The following THSD7B variants were observed in gnomAD, a reference collection of about 807,000 sequenced individuals.
THSD7B encodes the protein thrombospondin type-1 domain-containing protein 7B.
Under a neutral mutation model 213.6 loss-of-function variants are expected in THSD7B, and 138 were observed. The ratio of observed to expected loss-of-function variants is 0.65; its 90% CI spans 0.56 to 0.74. The LOEUF (loss-of-function observed/expected upper bound fraction) is 0.74, where lower values mean the gene tolerates loss of function less well. Ranked by LOEUF, THSD7B falls within the 30% of genes least tolerant of loss-of-function variation. The pLI is 0.00. For synonymous variants in THSD7B, 742 were observed against 687.0 expected (o/e 1.08, Z -1.25); for missense variants, 1,931 against 1,991.5 (o/e 0.97, Z 0.58).
chr2:137,427,025 G>A (rs1687074817), intron 14 of THSD7B, among the ~76,000 whole-genome samples: 2 of 151,868 alleles, frequency 1.3e-5, no homozygotes, highest in African/African-American at 2.4e-5. Context: ...CATACAAACA[G>A]CCAACAAGGA....
At chr2:137,462,221 C>G (rs1261840473) in intron 15 of THSD7B, among the ~76,000 whole-genome samples, 2 of 151,938 alleles carry the variant, frequency 1.3e-5, no homozygotes, top group East Asian at 3.9e-4. Flanking sequence ...ACTCTGTTTA[C>G]CAGTTAGTCA....
intron 1 of THSD7B, among the ~76,000 whole-genome samples, chr2:136,817,708 C>A (rs956157533): frequency 6.6e-6 from 1 of 151,802 alleles, no homozygotes; most frequent in African/African-American, 2.4e-5. Context: ...AAGAAAAAAA[C>A]AAACAACCCC....
At chr2:136,954,402 G>A (rs978756184) in intron 2 of THSD7B, among the ~76,000 whole-genome samples, 1 of 152,256 alleles carries the variant, frequency 6.6e-6, no homozygotes, top group African/African-American at 2.4e-5. Context: ...GTATTGACCA[G>A]TTAGTGCCTC....
chr2:137,070,158 G>C (rs185930691), intron 3 of THSD7B, among the ~76,000 whole-genome samples: 176 of 151,878 alleles, frequency 1.2e-3, no homozygotes, highest in African/African-American at 4.0e-3. Context: ...CTTTGTGCTT[G>C]TTTGTATCTT....
chr2:136,947,432 A>G (rs1684962225), intron 2 of THSD7B, among the ~76,000 whole-genome samples: 1 of 152,224 alleles, frequency 6.6e-6, no homozygotes, highest in Non-Finnish European at 1.5e-5. Flanking sequence ...TATCTATAAT[A>G]ATAACATAAA....
chr2:137,439,027 G>A (rs756550239), intron 14 of THSD7B, among the ~76,000 whole-genome samples: 7 of 152,006 alleles, frequency 4.6e-5, no homozygotes, highest in African/African-American at 7.2e-5. Context: ...CCAAGCAAGG[G>A]CCACCAGGAG....
intron 2 of THSD7B, among the ~76,000 whole-genome samples, chr2:137,026,912 A>G (rs1686566325): frequency 6.6e-6 from 1 of 152,290 alleles, no homozygotes; most frequent in African/African-American, 2.4e-5. Flanking sequence ...TTTTCATAAT[A>G]CATTGGAAAA....
chr2:136,980,016 AT>A (rs1048179096), intron 2 of THSD7B, among the ~76,000 whole-genome samples: 13 of 151,004 alleles, frequency 8.6e-5, no homozygotes, highest in Admixed American at 8.6e-4. Context: ...AAACAGACTC[AT>A]TTTCCTTAGG....
chr2:137,046,653 C>T (rs1686975352), intron 2 of THSD7B, among the ~76,000 whole-genome samples: 1 of 148,706 alleles, frequency 6.7e-6, no homozygotes, highest in Non-Finnish European at 1.5e-5. Context: ...TCATTTGAAC[C>T]TGGGAGGCAG....
chr2:137,377,226 A>G (rs1685676608), intron 12 of THSD7B, among the ~76,000 whole-genome samples: 1 of 152,214 alleles, frequency 6.6e-6, no homozygotes, highest in African/African-American at 2.4e-5. Flanking sequence ...TGTATCCTCC[A>G]GATAGTGTTC....
intron 12 of THSD7B, among the ~76,000 whole-genome samples, chr2:137,290,626 G>A (rs1683311116): frequency 1.3e-5 from 2 of 152,030 alleles, no homozygotes; most frequent in African/African-American, 4.8e-5. Flanking sequence ...TAATCCCTAG[G>A]TCTTTATTTC....
At chr2:137,046,808 G>A (rs1686979712) in intron 2 of THSD7B, among the ~76,000 whole-genome samples, 1 of 151,902 alleles carries the variant, frequency 6.6e-6, no homozygotes, top group Admixed American at 6.6e-5. Flanking sequence ...TTGGCTTATT[G>A]GGGGAACCGA....
chr2:137,209,586 T>G (rs1681056791), intron 7 of THSD7B, among the ~76,000 whole-genome samples: 1 of 152,050 alleles, frequency 6.6e-6, no homozygotes, highest in South Asian at 2.1e-4. Flanking sequence ...AACATTGAAA[T>G]TTAAGAACCT....
chr2:137,007,708 T>C (rs186749719), intron 2 of THSD7B, among the ~76,000 whole-genome samples: 1 of 152,214 alleles, frequency 6.6e-6, no homozygotes, highest in Admixed American at 6.5e-5. Flanking sequence ...AAAAAAGAGA[T>C]TAAGGCATAC....
intron 25 of THSD7B, among the ~76,000 whole-genome samples, chr2:137,662,933 C>T (rs1394137515): frequency 1.3e-5 from 2 of 151,764 alleles, no homozygotes. Flanking sequence ...GGTGTGATGG[C>T]GGGTGCCTAT....
chr2:137,298,784 G>T (rs773646462), intron 12 of THSD7B, among the ~76,000 whole-genome samples: 1 of 152,160 alleles, frequency 6.6e-6, no homozygotes, highest in East Asian at 1.9e-4. Flanking sequence ...CAGAAGTCAA[G>T]AATTGAGGTT....
chr2:137,122,938 G>T lies in THSD7B; in HGVS notation c.1369+7645G>T, dbSNP rs547775741. ...TGATAATTGCTTGTTTATGCATACT[G>T]GTCACCTTGCTGCTATGCAAGTCTG... On this transcript the variant is annotated intron_variant, in intron 5 of 27. Coordinates refer to ENST00000409968, the MANE Select transcript of THSD7B (RefSeq NM_001316349.2). 5.3e-5 allele frequency among the ~76,000 whole-genome samples: 8 copies of T among 152,140 alleles called. No homozygotes were observed. In the South Asian group the frequency reaches 1.2e-3, roughly 24 times the overall value.
At chr2:137,258,740 A>G (rs540174549) in intron 10 of THSD7B, among the ~76,000 whole-genome samples, 1 of 150,754 alleles carries the variant, frequency 6.6e-6, no homozygotes, top group African/African-American at 2.4e-5. Flanking sequence ...GTAGGTATAC[A>G]TATGCCATGG....
chr2:136,963,040 C>T (rs13414368), intron 2 of THSD7B, among the ~76,000 whole-genome samples: 12,430 of 152,174 alleles, frequency 0.082, 638 homozygotes, highest in East Asian at 0.21. Context: ...CATATCATAT[C>T]TCAGAGATGG....
Sources: allele counts gnomAD v4.1 joint callset (sites outside exome capture counted in the v4.1 genomes callset), GRCh38; gene constraint gnomAD v4.1.1; transcripts MANE v1.5; gene names NCBI Gene and HGNC (gene_info 2026-07-23, HGNC 2026-07-21).